The following NCF2 variants were observed in gnomAD, a reference collection of about 807,000 sequenced individuals.
NCF2 encodes the protein neutrophil cytosolic factor 2.
NCF2 carries 45 observed loss-of-function variants against 70.9 expected under a neutral mutation model. The ratio of observed to expected loss-of-function variants is 0.63; its 90% CI spans 0.50 to 0.81. The LOEUF is 0.81. Among genes scored for constraint, NCF2 ranks in the 40% least tolerant of loss-of-function variants. NCF2 has a pLI of 0.00. For missense variants in NCF2, 522 were observed against 631.6 expected, an observed-to-expected ratio of 0.83 and a Z score of 1.86; for synonymous variants, 203 against 233.6, an observed-to-expected ratio of 0.87 and a Z score of 1.19.
At chr1:183,582,208 C>CTTTCCAA in intron 2 of NCF2, among the ~76,000 whole-genome samples, 1 of 152,364 alleles carries the variant, frequency 6.6e-6, no homozygotes, top group East Asian at 1.9e-4. Flanking sequence ...CGGCAGCCCC[C>CTTTCCAA]GCCTCCCTCT....
Position 183,555,932 on chromosome 1 carries a change from A to T in NCF2, c.*186T>A, listed in dbSNP as rs1671749828. 5.1e-5 allele frequency: 33 copies of T among 645,004 alleles called. 1 individual carries two copies. In the South Asian group the frequency reaches 5.9e-4, roughly 12 times the overall value. The allele number at this position is 645,004 out of a possible 1,614,324, so 40.0% of individuals were successfully genotyped here. On this transcript the variant is annotated 3_prime_UTR_variant, in exon 15 of 15. Coordinates refer to ENST00000367535, the MANE Select transcript of NCF2 (RefSeq NM_000433.4). ...TTCACCTGTCCCCATCTCCTCACCC[A>T]CTGTGCCCCAGGAAATCATCCTGGG...
the NCF2 span, among the ~76,000 whole-genome samples, chr1:183,600,470 C>T: frequency 6.6e-6 from 1 of 152,218 alleles, no homozygotes. Context: ...TCAAAACAAG[C>T]TCTCAAAGAT....
chr1:183,556,158 C>T lies in NCF2; in HGVS notation c.1541G>A (p.Cys514Tyr), dbSNP rs183100144. ...GIFPKVFVED[C>Y]ATTDLESTRR... ...AGTGCTTTCCAAATCTGTAGTTGCG[C>T]AGTCTTCAACAAAAACTTTGGGGAA... Residue 514 changes from cysteine to tyrosine, a missense_variant, in exon 15 of 15, where the codon TGC becomes TAC. Cys to Tyr is a radical substitution (Grantham distance 194). Coordinates refer to ENST00000367535, the MANE Select transcript of NCF2 (RefSeq NM_000433.4). The T allele has an allele frequency of 1.2e-6, 2 of 1,614,186 alleles. No individual in the cohort carries two copies. Among genetic ancestry groups the T allele is most frequent in the African/African-American group, 2.7e-5 (2 of 75,056 alleles).
At chr1:183,596,385 C>T in the NCF2 span, among the ~76,000 whole-genome samples, 1 of 151,532 alleles carries the variant, frequency 6.6e-6, no homozygotes, top group East Asian at 1.9e-4. Flanking sequence ...TAGGTGGTCA[C>T]TCAGTAAAAG....
chr1:183,579,149 G>A (rs1349718319), intron 2 of NCF2, among the ~76,000 whole-genome samples: 1 of 152,212 alleles, frequency 6.6e-6, no homozygotes, highest in African/African-American at 2.4e-5. Context: ...ATGTAGTAAA[G>A]GGGCCAGGAG....
chr1:183,582,123 T>C (rs963313053), intron 2 of NCF2, among the ~76,000 whole-genome samples: 1 of 152,208 alleles, frequency 6.6e-6, no homozygotes. Flanking sequence ...CTTTTCCCAT[T>C]ACACAGGTTC....
the NCF2 span, among the ~76,000 whole-genome samples, chr1:183,599,434 CTT>C: frequency 1.1e-5 from 1 of 92,256 alleles, no homozygotes; most frequent in Non-Finnish European, 2.4e-5. Context: ...TTCTTTCTTT[CTT>C]TCTTTCTTTC....
Position 183,590,257 on chromosome 1 carries a change from C to G in NCF2, c.73G>C (p.Ala25Pro). The G allele has an allele frequency of 6.2e-7, 1 of 1,614,170 alleles. No homozygotes were observed. Among genetic ancestry groups the G allele is most frequent in the Non-Finnish European group, 8.5e-7 (1 of 1,180,030 alleles). Residue 25 changes from alanine (A) to proline (P), a missense_variant, in exon 1 of 15, where the codon GCC becomes CCC. Ala to Pro is a conservative substitution (Grantham distance 27, BLOSUM62 -1). Transcript: ENST00000367535. The part of the protein sequence containing the change: ...LAADKKDWKG[A>P]LDAFSAVQDP... Reference sequence around the variant, plus strand: ...TGGACGGCACTGAAGGCATCCAGGGCTCCCTTCCAGTCCTTCTTGTCCGCT... The same window carrying G: ...TGGACGGCACTGAAGGCATCCAGGGGTCCCTTCCAGTCCTTCTTGTCCGCT...
chr1:183,557,570 C>G (rs1456344467), intron 14 of NCF2, among the ~76,000 whole-genome samples: 4 of 152,240 alleles, frequency 2.6e-5, no homozygotes, highest in Non-Finnish European at 4.4e-5. Flanking sequence ...GAACTCCCCT[C>G]TGTCCTACCC....
At chr1:183,578,317 A>G (rs1672895263) in intron 2 of NCF2, among the ~76,000 whole-genome samples, 2 of 151,350 alleles carry the variant, frequency 1.3e-5, no homozygotes, top group Admixed American at 6.6e-5. Context: ...TTTGGAAAAG[A>G]AAAAAAAACA....
At chr1:183,570,653 C>T in intron 6 of NCF2, 127 bp downstream of exon 6, 1 of 920,094 alleles carries the variant, frequency 1.1e-6, no homozygotes, top group Non-Finnish European at 1.8e-6. Flanking sequence ...GATCCCTCAG[C>T]TGCACTGAGG....
At chr1:183,568,365 C>T (rs748182758) in intron 7 of NCF2, among the ~76,000 whole-genome samples, 2 of 151,908 alleles carry the variant, frequency 1.3e-5, no homozygotes, top group Non-Finnish European at 2.9e-5. Flanking sequence ...TGGGGTTTTG[C>T]CACGTTGGCC....
At chr1:183,568,979 A>G (rs1020678633) in intron 7 of NCF2, among the ~76,000 whole-genome samples, 163 bp downstream of exon 7, 2 of 152,284 alleles carry the variant, frequency 1.3e-5, no homozygotes, top group Non-Finnish European at 1.5e-5. Context: ...ACATTCTTCT[A>G]GGCATTCCTT....
intron 2 of NCF2, among the ~76,000 whole-genome samples, chr1:183,582,583 G>C (rs1040938550): frequency 2.6e-5 from 4 of 152,242 alleles, no homozygotes; most frequent in Non-Finnish European, 5.9e-5. Context: ...CTGCACCCAG[G>C]ACAATGGAAT....
chr1:183,571,141 G>A (rs1177101026), intron 5 of NCF2, among the ~76,000 whole-genome samples: 2 of 123,290 alleles, frequency 1.6e-5, no homozygotes, highest in South Asian at 2.5e-4. Context: ...TTTTTGAGAC[G>A]GAGTCACGCT....
At chr1:183,563,002 G>A (rs893236806) in intron 13 of NCF2, among the ~76,000 whole-genome samples, 193 bp downstream of exon 13, 1 of 152,122 alleles carries the variant, frequency 6.6e-6, no homozygotes, top group African/African-American at 2.4e-5. Context: ...CTGTTCTCTT[G>A]TGGGAAACTC....
chr1:183,567,100 A>G (rs1454590767), intron 8 of NCF2, 104 bp downstream of exon 8: 46 of 1,607,078 alleles, frequency 2.9e-5, no homozygotes, highest in Non-Finnish European at 3.8e-5. Flanking sequence ...CAGACAAAAG[A>G]ACTTGGCTGG....
At chr1:183,591,061 C>G (rs4987079), upstream of NCF2, among the ~76,000 whole-genome samples, 7 of 152,298 alleles carry the variant, frequency 4.6e-5, no homozygotes, top group East Asian at 9.6e-4. Flanking sequence ...CTCACCCGCA[C>G]TGGGGGGACT....
Position 183,569,198 on chromosome 1 carries a change from C to T in NCF2, c.670-13G>A, listed in dbSNP as rs770372216. ...GAGGCTCAGCTGCCTATTGAACATT[C>T]AGGAGAAGTGAAAACGGAAAAGGCA... On this transcript the variant is annotated splice_polypyrimidine_tract_variant and intron_variant, in intron 6 of 14. Coordinates refer to ENST00000367535, the MANE Select transcript of NCF2 (RefSeq NM_000433.4). The T allele has an allele frequency of 1.2e-6, 2 of 1,613,936 alleles. No individual in the cohort carries two copies. Among genetic ancestry groups the T allele is most frequent in the Non-Finnish European group, 1.7e-6 (2 of 1,179,844 alleles).
Sources: allele counts gnomAD v4.1 joint callset (sites outside exome capture counted in the v4.1 genomes callset), GRCh38; gene constraint gnomAD v4.1.1; transcripts MANE v1.5; gene names NCBI Gene and HGNC (gene_info 2026-07-23, HGNC 2026-07-21).